PDE4D: variants seen among roughly 807,000 people sequenced by gnomAD.
The protein encoded by PDE4D is 3',5'-cyclic-AMP phosphodiesterase 4D.
A neutral mutation model predicts 87.4 loss-of-function variants in PDE4D; 24 were observed. That is an observed-to-expected ratio of 0.27 (90% CI 0.20 to 0.39). The LOEUF (loss-of-function observed/expected upper bound fraction) is 0.39. Among genes scored for constraint, PDE4D ranks in the 10% least tolerant of loss-of-function variants. The probability of loss-of-function intolerance (pLI) is 1.00; values close to 1 mark genes in which losing one functional copy is unlikely to be tolerated. For missense variants in PDE4D, 714 were observed against 1,041.0 expected (o/e 0.69, Z 4.32); for synonymous variants, 384 against 383.2 (o/e 1.00, Z -0.02).
chr5:59,451,770 C>T (rs1278728116), intron 1 of PDE4D, among the ~76,000 whole-genome samples: 1 of 152,204 alleles, frequency 6.6e-6, no homozygotes, highest in Non-Finnish European at 1.5e-5. Context: ...TCCCTGCTTG[C>T]ATCCCAAGTA....
chr5:60,498,726 G>T (rs1749933755), intron 1 of PDE4D, among the ~76,000 whole-genome samples: 1 of 152,034 alleles, frequency 6.6e-6, no homozygotes, highest in African/African-American at 2.4e-5. Context: ...TAATCAGCTT[G>T]TTTTTTTTAA....
chr5:60,261,968 G>A (rs1749689764), intron 1 of PDE4D, among the ~76,000 whole-genome samples: 1 of 152,094 alleles, frequency 6.6e-6, no homozygotes, highest in Admixed American at 6.6e-5. Context: ...GCAGTTGACA[G>A]AACCAAATTT....
chr5:60,266,619 C>G (rs1472470080), intron 1 of PDE4D, among the ~76,000 whole-genome samples: 2 of 152,178 alleles, frequency 1.3e-5, no homozygotes, highest in Non-Finnish European at 2.9e-5. Context: ...GTTTCCTGAG[C>G]TCTGACAGCA....
At chr5:60,253,359 T>C (rs1452537491) in intron 1 of PDE4D, among the ~76,000 whole-genome samples, 1 of 151,888 alleles carries the variant, frequency 6.6e-6, no homozygotes, top group Non-Finnish European at 1.5e-5. Flanking sequence ...TGTTGTCTCT[T>C]TTCTCTCCCT....
At chr5:59,202,283 A>G (rs1362597342) in intron 2 of PDE4D, among the ~76,000 whole-genome samples, 1 of 151,898 alleles carries the variant, frequency 6.6e-6, no homozygotes. Flanking sequence ...GTCGTGATCC[A>G]CCTGCCTCGG....
At chr5:59,540,932 TTTTATC>T (rs1816228726) in intron 1 of PDE4D, among the ~76,000 whole-genome samples, 1 of 152,152 alleles carries the variant, frequency 6.6e-6, no homozygotes, top group African/African-American at 2.4e-5. Flanking sequence ...GTAGGATTAT[TTTTATC>T]TTATAGATTT....
At chr5:59,424,896 A>G (rs114444235) in intron 1 of PDE4D, among the ~76,000 whole-genome samples, 2 of 152,302 alleles carry the variant, frequency 1.3e-5, no homozygotes, top group African/African-American at 4.8e-5. Context: ...GGCCAACAGG[A>G]TGGTCGCTTA....
intron 1 of PDE4D, among the ~76,000 whole-genome samples, chr5:59,303,905 T>A (rs1037760244): frequency 6.6e-6 from 1 of 152,082 alleles, no homozygotes; most frequent in Admixed American, 6.6e-5. Flanking sequence ...GTTTTAGAAT[T>A]GTTTTTTCTA....
rs530774756 is a variant in PDE4D at position 60,000,403 on chromosome 5, T to C, written c.43-11686A>G. ...AGCAGATTTCTCAGGAGAAACATTATAGGCCAGAAGGGAGTGGGACAATAT... is the reference window on the plus strand; with the variant it reads ...AGCAGATTTCTCAGGAGAAACATTACAGGCCAGAAGGGAGTGGGACAATAT... On this transcript the variant is annotated intron_variant, in intron 2 of 16. Transcript: ENST00000502484. Among the ~76,000 whole-genome samples the C allele has an allele frequency of 2.6e-5, 4 of 152,302 alleles. No homozygotes were observed. The South Asian group carries it at 8.3e-4, about 32-fold the overall frequency.
intron 6 of PDE4D, among the ~76,000 whole-genome samples, chr5:58,996,140 G>A (rs1270264464): frequency 3.9e-5 from 6 of 152,212 alleles, no homozygotes; most frequent in South Asian, 2.1e-4. Context: ...GCCTATGAGC[G>A]GGTAGGGAGG....
chr5:59,475,493 C>A (rs1366336626), intron 1 of PDE4D, among the ~76,000 whole-genome samples: 1 of 152,078 alleles, frequency 6.6e-6, no homozygotes. Flanking sequence ...AGAATTTTTA[C>A]TTTTCCCACC....
chr5:60,508,659 C>T (rs1750426668), intron 1 of PDE4D, among the ~76,000 whole-genome samples: 1 of 152,186 alleles, frequency 6.6e-6, no homozygotes, highest in Non-Finnish European at 1.5e-5. Context: ...TGAACCATTG[C>T]TCCCAGGGGA....
intron 1 of PDE4D, among the ~76,000 whole-genome samples, chr5:59,711,152 T>TTA (rs1477962091): frequency 1.3e-5 from 2 of 152,208 alleles, no homozygotes; most frequent in Non-Finnish European, 2.9e-5. Context: ...ACATTGTTTC[T>TTA]TATTCATGTC....
chr5:60,189,112 A>G (rs2149517184), intron 1 of PDE4D, among the ~76,000 whole-genome samples: 1 of 152,326 alleles, frequency 6.6e-6, no homozygotes, highest in Admixed American at 6.5e-5. Context: ...CACACGTGCA[A>G]TTTCGTTACG....
At chr5:59,587,443 T>A (rs1039531742) in intron 1 of PDE4D, 1 of 985,240 alleles carries the variant, frequency 1.0e-6, no homozygotes, top group African/African-American at 1.7e-5. Flanking sequence ...ATGCCCAAGC[T>A]ATACAGACCT....
intron 2 of PDE4D, among the ~76,000 whole-genome samples, chr5:60,006,365 G>A (rs1323350328): frequency 2.0e-5 from 3 of 151,780 alleles, no homozygotes; most frequent in Non-Finnish European, 4.4e-5. Context: ...GTATTTTTAA[G>A]TATAAAAATG....
intron 5 of PDE4D, among the ~76,000 whole-genome samples, chr5:59,051,055 G>A (rs899729268): frequency 7.9e-5 from 12 of 152,312 alleles, no homozygotes; most frequent in Non-Finnish European, 1.5e-4. Flanking sequence ...TGAGCCAAAT[G>A]TGAGTGAACA....
chr5:59,037,991 C>A (rs1295271439), intron 6 of PDE4D, among the ~76,000 whole-genome samples: 3 of 152,214 alleles, frequency 2.0e-5, no homozygotes. Flanking sequence ...CCAGTCCTTA[C>A]TGGCTGAATC....
chr5:59,188,924 T>C (rs1272316090), intron 3 of PDE4D, among the ~76,000 whole-genome samples: 1 of 152,166 alleles, frequency 6.6e-6, no homozygotes, highest in African/African-American at 2.4e-5. Context: ...TTTAAATTAA[T>C]TAAGGCTAAA....
Sources: allele counts gnomAD v4.1 joint callset (sites outside exome capture counted in the v4.1 genomes callset), GRCh38; gene constraint gnomAD v4.1.1; transcripts MANE v1.5; gene names NCBI Gene and HGNC (gene_info 2026-07-23, HGNC 2026-07-21).